Variants in CHPT1 observed in about 807,000 individuals in gnomAD.
CHPT1 encodes the protein choline phosphotransferase 1.
Under a neutral mutation model 47.6 loss-of-function variants are expected in CHPT1, and 36 were observed. The observed-to-expected ratio is 0.76, with a 90% CI of 0.58 to 1.00. The LOEUF is 1.00. Among genes scored for constraint, CHPT1 ranks in the 50% least tolerant of loss-of-function variants. The pLI, the probability that CHPT1 is intolerant of heterozygous loss-of-function variation, is 0.00. For synonymous variants in CHPT1, 194 were observed against 186.3 expected (o/e 1.04, Z -0.33); for missense variants, 458 against 498.1 (o/e 0.92, Z 0.77).
At chr12:101,716,042 C>T (rs900492689) in intron 3 of CHPT1, among the ~76,000 whole-genome samples, 2 of 152,092 alleles carry the variant, frequency 1.3e-5, no homozygotes, top group African/African-American at 4.8e-5. Context: ...AAAAGCCAGA[C>T]TAGAGTGTGT....
intron 5 of CHPT1, among the ~76,000 whole-genome samples, 166 bp from the exon 6 acceptor site, chr12:101,723,001 CT>C (rs1463595821): frequency 6.6e-6 from 1 of 152,188 alleles, no homozygotes. Context: ...CCCTCAGGTT[CT>C]ATGAAACCTT....
intron 1 of CHPT1, among the ~76,000 whole-genome samples, chr12:101,705,857 C>T (rs1219569174): frequency 6.7e-5 from 10 of 148,334 alleles, no homozygotes; most frequent in Admixed American, 6.7e-4. Context: ...TCCCAAGTAG[C>T]TGGGATTACA....
chr12:101,707,642 T>G (rs1285447433), intron 1 of CHPT1, among the ~76,000 whole-genome samples: 1 of 152,178 alleles, frequency 6.6e-6, no homozygotes, highest in Non-Finnish European at 1.5e-5. Flanking sequence ...TCTCTGTGCT[T>G]TAATCAGTTC....
intron 1 of CHPT1, among the ~76,000 whole-genome samples, chr12:101,700,315 C>T (rs1951534459): frequency 9.4e-6 from 1 of 106,866 alleles, no homozygotes; most frequent in Non-Finnish European, 1.8e-5. Context: ...TTAGGATCAG[C>T]CTCATGTGAA....
rs1187855025 is a variant in CHPT1 at position 101,703,919 on chromosome 12, T to C, written c.273+5785T>C. Among the ~76,000 whole-genome samples the C allele has an allele frequency of 2.0e-5, 3 of 152,074 alleles. No individual in the cohort carries two copies. In the East Asian group the frequency reaches 5.8e-4, roughly 29 times the overall value. ...TGGAATAATGAAATGAAAAAAAAAA[T>C]CTTAAGAGTCACCTGTCTGGGTAGA... is the stretch of plus-strand genomic sequence containing the variant. On this transcript the variant is annotated intron_variant, in intron 1 of 8. Transcript: ENST00000229266.
chr12:101,702,466 G>T (rs1287755032), intron 1 of CHPT1, among the ~76,000 whole-genome samples: 2 of 152,122 alleles, frequency 1.3e-5, no homozygotes, highest in Non-Finnish European at 2.9e-5. Flanking sequence ...AACACCTTAA[G>T]AAATGGTTTA....
At chr12:101,716,928 A>T in intron 4 of CHPT1, 116 bp downstream of exon 4, 2 of 589,534 alleles carry the variant, frequency 3.4e-6, no homozygotes, top group Non-Finnish European at 5.6e-6. Flanking sequence ...TTTTTTTTTA[A>T]TTGGTGTATT....
chr12:101,721,031 T>C (rs573622012), intron 5 of CHPT1, among the ~76,000 whole-genome samples: 9 of 152,124 alleles, frequency 5.9e-5, no homozygotes, highest in Non-Finnish European at 1.3e-4. Flanking sequence ...CTTGTAATCC[T>C]AGCAATTTTG....
At chr12:101,714,672 T>TA in intron 3 of CHPT1, 27 bp downstream of exon 3, 1 of 1,579,406 alleles carries the variant, frequency 6.3e-7, no homozygotes, top group Non-Finnish European at 8.6e-7. Context: ...AGTTGTACAT[T>TA]AAAAAATATA....
At position 101,697,987 on chromosome 12, in the gene CHPT1, C is replaced by T; in HGVS notation, c.126C>T (p.Leu42=). 1 of 1,530,876 alleles carries T rather than the reference C, an allele frequency of 6.5e-7. No homozygotes were observed. Among genetic ancestry groups the T allele is most frequent in the Admixed American group, 2.0e-5 (1 of 50,202 alleles). The allele number at this position is 1,530,876 out of a possible 1,614,324, so 94.8% of individuals were successfully genotyped here. A position where few individuals can be genotyped will look rare whatever the true frequency, so the allele number is the denominator to read the frequency against. ...HRYSAAGVSL[L]EPPLQLYWTW... ...ACAGCGCGGCGGGCGTCTCGCTGCT[C>T]GAGCCGCCGCTGCAGCTCTACTGGA... The change falls in exon 1 of 9, where the codon CTC becomes CTT. Residue 42 remains leucine (L), a synonymous_variant. Coordinates refer to ENST00000229266, the MANE Select transcript of CHPT1 (RefSeq NM_020244.3).
rs368077146 is a variant in CHPT1, at chr12:101,726,377, G to A, written c.1149G>A (p.Lys383=). ...GACACCTTCATCTAAATATATTCAA[G>A]ACTGCATGTCATCAAGCACCTGAAC... The part of the protein sequence containing the change: ...ISRHLHLNIF[K]TACHQAPEQV... The change falls in exon 8 of 9, where the codon AAG becomes AAA. Residue 383 remains lysine (K), a synonymous_variant. Coordinates refer to ENST00000229266, the MANE Select transcript of CHPT1 (RefSeq NM_020244.3). 1.2e-6 allele frequency: 2 copies of A among 1,612,934 alleles called. No individual in the cohort carries two copies. The highest frequency in any genetic ancestry group is 1.1e-5 in the South Asian group (1 of 91,046).
chr12:101,704,138 A>G (rs1029243755), intron 1 of CHPT1, among the ~76,000 whole-genome samples: 2 of 152,154 alleles, frequency 1.3e-5, no homozygotes, highest in African/African-American at 4.8e-5. Flanking sequence ...TCCCTTCTGC[A>G]TAGATGTCAA....
chr12:101,714,282 A>G, intron 2 of CHPT1, 45 bp downstream of exon 2: 1 of 1,495,352 alleles, frequency 6.7e-7, no homozygotes, highest in Non-Finnish European at 9.0e-7. Context: ...CCTTAAAAAT[A>G]AAATGAACTG....
At position 101,698,015 on chromosome 12, in the gene CHPT1, T is replaced by C; in HGVS notation, c.154T>C (p.Trp52Arg). 1 of 1,578,394 alleles carries C rather than the reference T, an allele frequency of 6.3e-7. No individual in the cohort carries two copies. The highest frequency in any genetic ancestry group is 8.5e-7 in the Non-Finnish European group (1 of 1,171,540). Residue 52 changes from tryptophan (W) to arginine (R), a missense_variant, in exon 1 of 9, where the codon TGG becomes CGG. Trp to Arg is a moderately radical substitution (Grantham distance 101). Transcript: ENST00000229266. Reference sequence around the variant, plus strand: ...GCCGCCGCTGCAGCTCTACTGGACCTGGCTGCTCCAGTGGATCCCGCTCTG... The same window carrying C: ...GCCGCCGCTGCAGCTCTACTGGACCCGGCTGCTCCAGTGGATCCCGCTCTG... Reference protein sequence around the residue: ...LEPPLQLYWTWLLQWIPLWMA... With the variant: ...LEPPLQLYWTRLLQWIPLWMA...
chr12:101,711,063 A>C (rs1015905253), intron 1 of CHPT1, among the ~76,000 whole-genome samples: 1 of 148,682 alleles, frequency 6.7e-6, no homozygotes, highest in African/African-American at 2.4e-5. Context: ...TCTTCAATAA[A>C]TAATGCTGGG....
At chr12:101,707,101 A>T (rs1951644564) in intron 1 of CHPT1, among the ~76,000 whole-genome samples, 1 of 152,224 alleles carries the variant, frequency 6.6e-6, no homozygotes, top group Non-Finnish European at 1.5e-5. Flanking sequence ...GAATGGAATG[A>T]CTGGAGATAG....
At chr12:101,724,320 G>A (rs1022029216) in intron 7 of CHPT1, among the ~76,000 whole-genome samples, 4 of 151,948 alleles carry the variant, frequency 2.6e-5, no homozygotes, top group Non-Finnish European at 5.9e-5. Context: ...TATATTGTGT[G>A]TAGAAATGGC....
At chr12:101,725,868 G>A (rs61935737) in intron 7 of CHPT1, among the ~76,000 whole-genome samples, 2,855 of 152,222 alleles carry the variant, frequency 0.019, 44 homozygotes, top group Middle Eastern at 0.044. Flanking sequence ...TTCAAGTATG[G>A]TATCTTTTCT....
At chr12:101,714,304 C>A in intron 2 of CHPT1, 67 bp downstream of exon 2, 2 of 1,409,762 alleles carry the variant, frequency 1.4e-6, no homozygotes, top group South Asian at 1.4e-5. Flanking sequence ...GCTGTTTGGT[C>A]AGTTTTTTGG....
Sources: allele counts gnomAD v4.1 joint callset (sites outside exome capture counted in the v4.1 genomes callset), GRCh38; gene constraint gnomAD v4.1.1; transcripts MANE v1.5; gene names NCBI Gene and HGNC (gene_info 2026-07-23, HGNC 2026-07-21).